Variants in STK10 observed in about 807,000 individuals in gnomAD.
STK10 encodes serine/threonine-protein kinase 10.
Under a neutral mutation model 113.8 loss-of-function variants are expected in STK10, and 78 were observed. The observed-to-expected ratio is 0.69, with a 90% CI of 0.57 to 0.83. The LOEUF (loss-of-function observed/expected upper bound fraction) is 0.83. STK10 is among the 40% of genes least tolerant of loss of function. STK10 has a pLI of 0.00. For synonymous variants in STK10, 465 were observed against 494.7 expected (o/e 0.94, Z 0.80); for missense variants, 1,109 against 1,280.1 (o/e 0.87, Z 2.04).
chr5:172,127,471 C>T (rs373949606), intron 2 of STK10, 50 bp from the exon 3 acceptor site: 175 of 1,599,944 alleles, frequency 1.1e-4, no homozygotes, highest in Non-Finnish European at 1.4e-4. Context: ...GCCCAGCCGT[C>T]GAGACGGGAA....
At chr5:172,150,656 G>A (rs1307211580) in intron 2 of STK10, among the ~76,000 whole-genome samples, 1 of 152,092 alleles carries the variant, frequency 6.6e-6, no homozygotes, top group Non-Finnish European at 1.5e-5. Context: ...CTCTGTCAAT[G>A]ACCAAGGGCT....
chr5:172,083,939 A>G (rs1244412954), intron 10 of STK10, among the ~76,000 whole-genome samples: 1 of 150,430 alleles, frequency 6.6e-6, no homozygotes, highest in Non-Finnish European at 1.5e-5. Context: ...AAAAAAAAAA[A>G]AAAGAATAAT....
chr5:172,169,748 A>C (rs1186372378), intron 1 of STK10, among the ~76,000 whole-genome samples: 2 of 152,122 alleles, frequency 1.3e-5, no homozygotes, highest in African/African-American at 4.8e-5. Context: ...TAGCCAATAA[A>C]GTTATTGTTA....
intron 13 of STK10, among the ~76,000 whole-genome samples, chr5:172,062,384 A>G (rs1363630420): frequency 1.3e-5 from 2 of 152,244 alleles, no homozygotes; most frequent in Non-Finnish European, 2.9e-5. Context: ...AAGTGTATCT[A>G]TAGCTATTGT....
At chr5:172,161,302 A>G (rs1770465938) in intron 1 of STK10, among the ~76,000 whole-genome samples, 1 of 151,972 alleles carries the variant, frequency 6.6e-6, no homozygotes, top group Admixed American at 6.6e-5. Flanking sequence ...AAATACAAAA[A>G]ATTAGCCAGG....
chr5:172,164,072 C>T (rs1254681825), intron 1 of STK10, among the ~76,000 whole-genome samples: 1 of 151,874 alleles, frequency 6.6e-6, no homozygotes, highest in African/African-American at 2.4e-5. Context: ...ATTAGCTGGG[C>T]GTGATGGTGC....
At chr5:172,162,082 T>C (rs2113823727) in intron 1 of STK10, among the ~76,000 whole-genome samples, 1 of 152,300 alleles carries the variant, frequency 6.6e-6, no homozygotes, top group East Asian at 1.9e-4. Flanking sequence ...GGCTCACGAT[T>C]GTAATCCCAG....
At chr5:172,169,078 C>T (rs958892219) in intron 1 of STK10, among the ~76,000 whole-genome samples, 9 of 152,294 alleles carry the variant, frequency 5.9e-5, no homozygotes, top group Middle Eastern at 3.4e-3. Flanking sequence ...ACAGAGAACA[C>T]CTCCTCCCTA....
chr5:172,054,534 C>A, intron 17 of STK10, 35 bp downstream of exon 17: 1 of 1,595,346 alleles, frequency 6.3e-7, no homozygotes, highest in Non-Finnish European at 8.5e-7. Context: ...ACTGAGGCAG[C>A]CTGGGGGCAG....
At chr5:172,106,474 A>T in intron 6 of STK10, 146 bp downstream of exon 6, 1 of 700,848 alleles carries the variant, frequency 1.4e-6, no homozygotes, top group Non-Finnish European at 2.1e-6. Flanking sequence ...GAAACGCCTG[A>T]AGACCCCCAG....
chr5:172,055,038 C>A (rs954674944), intron 16 of STK10, among the ~76,000 whole-genome samples: 1 of 152,142 alleles, frequency 6.6e-6, no homozygotes, highest in Non-Finnish European at 1.5e-5. Flanking sequence ...TGTGGGAGTG[C>A]GGAAGGGAAG....
At chr5:172,059,518 T>C (rs1171080655) in intron 14 of STK10, among the ~76,000 whole-genome samples, 5 of 149,760 alleles carry the variant, frequency 3.3e-5, no homozygotes, top group African/African-American at 9.8e-5. Context: ...CCCATGAAAC[T>C]GCACCTAACA....
At chr5:172,074,880 G>C (rs1768274159) in intron 12 of STK10, among the ~76,000 whole-genome samples, 1 of 152,054 alleles carries the variant, frequency 6.6e-6, no homozygotes, top group Admixed American at 6.6e-5. Context: ...TGAGCTAAGT[G>C]TGGTGGCGCA....
At chr5:172,046,904 A>G (rs1354371113) in intron 18 of STK10, among the ~76,000 whole-genome samples, 1 of 152,186 alleles carries the variant, frequency 6.6e-6, no homozygotes, top group Non-Finnish European at 1.5e-5. Context: ...TATTATCTAC[A>G]TTTTACAGCC....
intron 2 of STK10, among the ~76,000 whole-genome samples, chr5:172,141,013 G>A (rs767467508): frequency 5.9e-5 from 9 of 152,286 alleles, no homozygotes; most frequent in Middle Eastern, 3.4e-3. Flanking sequence ...AGCCAGTCAC[G>A]GAAAGGCAAG....
intron 18 of STK10, among the ~76,000 whole-genome samples, chr5:172,049,747 A>G (rs1030424776): frequency 1.3e-5 from 2 of 152,180 alleles, no homozygotes; most frequent in Admixed American, 6.5e-5. Context: ...GATTAAGACA[A>G]TGGCCCCTCC....
At chr5:172,091,345 A>G (rs1380807518) in intron 9 of STK10, among the ~76,000 whole-genome samples, 1 of 152,118 alleles carries the variant, frequency 6.6e-6, no homozygotes, top group African/African-American at 2.4e-5. Context: ...CATAATCGTC[A>G]TCTTTTCCTG....
chr5:172,049,200 C>T (rs947380749), intron 18 of STK10, among the ~76,000 whole-genome samples: 7 of 152,070 alleles, frequency 4.6e-5, no homozygotes, highest in Non-Finnish European at 7.4e-5. Flanking sequence ...TCTGAAACAG[C>T]GTGGGGCACT....
chr5:172,048,082 T>C (rs541895534), intron 18 of STK10, among the ~76,000 whole-genome samples: 43 of 152,210 alleles, frequency 2.8e-4, no homozygotes, highest in Non-Finnish European at 1.5e-4. Context: ...TCTGTGATGG[T>C]TAATTTTATG....
Sources: gnomAD v4.1 joint callset for allele counts (sites outside exome capture counted in the v4.1 genomes callset) on GRCh38, gnomAD v4.1.1 for gene constraint, MANE v1.5 for transcripts, NCBI Gene and HGNC (gene_info 2026-07-23, HGNC 2026-07-21) for gene names.